The following ROR1 variants were observed in gnomAD, a reference collection of about 807,000 sequenced individuals.
ROR1 encodes the protein ROR family WNT receptor 1, also known as inactive tyrosine-protein kinase transmembrane receptor ROR1.
A neutral mutation model predicts 78.8 loss-of-function variants in ROR1; 19 were observed. The ratio of observed to expected loss-of-function variants is 0.24; its 90% CI spans 0.17 to 0.35. ROR1 has a LOEUF of 0.35. Ranked by LOEUF, ROR1 falls within the 10% of genes least tolerant of loss-of-function variation. The probability of loss-of-function intolerance (pLI) is 1.00; values close to 1 mark genes in which losing one functional copy is unlikely to be tolerated. For missense variants in ROR1, 917 were observed against 1,177.8 expected, an observed-to-expected ratio of 0.78 and a Z score of 3.24; for synonymous variants, 386 against 433.6, an observed-to-expected ratio of 0.89 and a Z score of 1.36.
At chr1:64,008,358 C>A (rs1444626148) in intron 1 of ROR1, among the ~76,000 whole-genome samples, 2 of 152,156 alleles carry the variant, frequency 1.3e-5, no homozygotes, top group Admixed American at 1.3e-4. Flanking sequence ...TTTATCCAGT[C>A]CTCTGTTGAT....
At chr1:64,091,782 C>T (rs1372153322) in intron 4 of ROR1, among the ~76,000 whole-genome samples, 2 of 152,094 alleles carry the variant, frequency 1.3e-5, no homozygotes, top group African/African-American at 4.8e-5. Flanking sequence ...CTGTTCCCAA[C>T]ATAAGATTTA....
intron 8 of ROR1, among the ~76,000 whole-genome samples, chr1:64,166,314 T>C (rs1413678492): frequency 6.6e-6 from 1 of 152,194 alleles, no homozygotes; most frequent in African/African-American, 2.4e-5. Context: ...GCCTCCAGCT[T>C]TGTTCTTTTT....
chr1:64,169,677 A>G (rs775984004), intron 8 of ROR1, among the ~76,000 whole-genome samples: 6 of 152,188 alleles, frequency 3.9e-5, no homozygotes, highest in Admixed American at 1.3e-4. Context: ...GCATTAACTC[A>G]GAAGTCCACA....
chr1:64,014,954 A>G (rs1158509271), intron 2 of ROR1, among the ~76,000 whole-genome samples: 1 of 150,518 alleles, frequency 6.6e-6, no homozygotes, highest in African/African-American at 2.4e-5. Flanking sequence ...ATCCATTTTC[A>G]TGCTACAGAT....
At chr1:64,070,360 AT>A (rs1247070482) in intron 4 of ROR1, among the ~76,000 whole-genome samples, 1 of 152,090 alleles carries the variant, frequency 6.6e-6, no homozygotes, top group Non-Finnish European at 1.5e-5. Flanking sequence ...AGAGGGTCTC[AT>A]TCTGTCACCT....
chr1:64,169,232 A>G (rs147148639), intron 8 of ROR1, among the ~76,000 whole-genome samples: 15 of 152,360 alleles, frequency 9.8e-5, no homozygotes, highest in Admixed American at 9.8e-4. Flanking sequence ...GATGGGGTGT[A>G]TTAGTCTGTT....
chr1:63,991,060 A>G (rs1291473860), intron 1 of ROR1, among the ~76,000 whole-genome samples: 1 of 152,084 alleles, frequency 6.6e-6, no homozygotes, highest in African/African-American at 2.4e-5. Context: ...CTTGGACCAC[A>G]GGTGCATGAC....
intron 1 of ROR1, among the ~76,000 whole-genome samples, chr1:63,809,149 G>T (rs1569748355): frequency 6.6e-6 from 1 of 152,284 alleles, no homozygotes; most frequent in East Asian, 1.9e-4. Context: ...GTTTGTAGGT[G>T]ATATGGAAAA....
At chr1:63,995,030 C>T (rs1186299446) in intron 1 of ROR1, among the ~76,000 whole-genome samples, 1 of 152,158 alleles carries the variant, frequency 6.6e-6, no homozygotes, top group East Asian at 1.9e-4. Context: ...GTGAAAGTTC[C>T]TATGCAGGCA....
At chr1:63,790,300 G>T (rs556846726) in intron 1 of ROR1, among the ~76,000 whole-genome samples, 1 of 152,150 alleles carries the variant, frequency 6.6e-6, no homozygotes, top group Non-Finnish European at 1.5e-5. Flanking sequence ...CCTAGAGGCC[G>T]AGATAACTCC....
chr1:63,965,114 C>T (rs1158008377), intron 1 of ROR1, among the ~76,000 whole-genome samples: 1 of 152,146 alleles, frequency 6.6e-6, no homozygotes, highest in Non-Finnish European at 1.5e-5. Flanking sequence ...TCTAAGAACT[C>T]CATGAAGTAT....
At chr1:64,150,613 T>G (rs1649594397) in intron 7 of ROR1, among the ~76,000 whole-genome samples, 1 of 152,248 alleles carries the variant, frequency 6.6e-6, no homozygotes, top group African/African-American at 2.4e-5. Context: ...AAATTGAACG[T>G]TACAGTGAAT....
At chr1:63,938,078 T>C (rs1191870773) in intron 1 of ROR1, among the ~76,000 whole-genome samples, 1 of 152,056 alleles carries the variant, frequency 6.6e-6, no homozygotes, top group African/African-American at 2.4e-5. Flanking sequence ...CCAGAGAATA[T>C]AGAGTTGGCC....
intron 8 of ROR1, among the ~76,000 whole-genome samples, chr1:64,171,739 C>T (rs866431368): frequency 2.4e-4 from 37 of 152,120 alleles, no homozygotes; most frequent in Admixed American, 9.8e-4. Flanking sequence ...ACCCTGGGCT[C>T]GATTCCCTGC....
intron 1 of ROR1, among the ~76,000 whole-genome samples, chr1:63,869,359 C>T (rs1013513483): frequency 2.6e-5 from 4 of 152,188 alleles, no homozygotes; most frequent in African/African-American, 9.7e-5. Flanking sequence ...GCCCAGTGTC[C>T]TTCCACACTG....
chr1:64,109,775 C>T lies in ROR1; in HGVS notation c.483-27594C>T, dbSNP rs143808820. ...AAACTCGTGGGCTCAAGCAGTCCTC[C>T]GCTCTGCCTTCCAAAGTGCTGGGAT... On this transcript the variant is annotated intron_variant, in intron 4 of 8. Transcript: ENST00000371079. 1.7e-3 allele frequency among the ~76,000 whole-genome samples: 257 copies of T among 152,222 alleles called. 3 individuals are homozygous for T. Among genetic ancestry groups the T allele is most frequent in the African/African-American group, 5.8e-3 (240 of 41,540 alleles).
At chr1:63,906,245 T>C (rs940887405) in intron 1 of ROR1, among the ~76,000 whole-genome samples, 2 of 152,132 alleles carry the variant, frequency 1.3e-5, no homozygotes, top group Non-Finnish European at 2.9e-5. Context: ...ATACGGGTCC[T>C]GATAACCCGA....
chr1:63,885,447 G>A (rs1044563796), intron 1 of ROR1, among the ~76,000 whole-genome samples: 2 of 152,134 alleles, frequency 1.3e-5, no homozygotes, highest in Non-Finnish European at 2.9e-5. Flanking sequence ...AACAAACAGG[G>A]GGATATGGCA....
At chr1:63,918,684 A>C (rs1173443184) in intron 1 of ROR1, among the ~76,000 whole-genome samples, 1 of 152,138 alleles carries the variant, frequency 6.6e-6, no homozygotes. Context: ...CACTCTATAT[A>C]CTGTGCCTCC....
Sources: gnomAD v4.1 joint callset for allele counts (sites outside exome capture counted in the v4.1 genomes callset) on GRCh38, gnomAD v4.1.1 for gene constraint, MANE v1.5 for transcripts, NCBI Gene and HGNC (gene_info 2026-07-23, HGNC 2026-07-21) for gene names.